DLGAP2: variants seen among roughly 807,000 people sequenced by gnomAD.
The protein encoded by DLGAP2 is disks large-associated protein 2.
In DLGAP2, 26 loss-of-function variants were observed where a neutral mutation model predicts 100.3. The observed-to-expected ratio is 0.26, with a 90% CI of 0.19 to 0.36. DLGAP2 has a LOEUF of 0.36. DLGAP2 is among the 10% of genes least tolerant of loss of function. DLGAP2 has a pLI of 1.00. For missense variants in DLGAP2, 1,858 were observed against 1,453.2 expected (o/e 1.28, Z -4.53); for synonymous variants, 886 against 630.1 (o/e 1.41, Z -6.08).
chr8:1,164,305 T>G (rs1483827749), intron 2 of DLGAP2, among the ~76,000 whole-genome samples: 18 of 47,178 alleles, frequency 3.8e-4, no homozygotes, highest in East Asian at 1.0e-3. Context: ...CCCCCCAGGG[T>G]TTGTTTTTGT....
At chr8:1,623,561 C>G (rs567016809) in intron 6 of DLGAP2, among the ~76,000 whole-genome samples, 55 of 150,814 alleles carry the variant, frequency 3.6e-4, no homozygotes, top group African/African-American at 1.3e-3. Flanking sequence ...TAACCTGGCA[C>G]CAGTGCGTGA....
At chr8:979,905 A>G (rs1406373184) in intron 2 of DLGAP2, among the ~76,000 whole-genome samples, 5 of 152,160 alleles carry the variant, frequency 3.3e-5, no homozygotes, top group African/African-American at 4.8e-5. Flanking sequence ...TCTGTGTTCC[A>G]CATCACAGCT....
rs752613425 is a variant in DLGAP2, at chr8:1,632,829, G to A, written c.1593G>A (p.Val531=). ...TLSQASCVSQ[V]SEAEINGQFE... ...ACGTGTGCTGTTGATGATTGCAGGT[G>A]AGCGAGGCGGAGATCAATGGGCAAT... is the stretch of plus-strand genomic sequence containing the variant. Residue 531 remains valine (V), a splice_region_variant and synonymous_variant, in exon 8 of 15, where the codon GTG becomes GTA. Coordinates refer to ENST00000637795, the MANE Select transcript of DLGAP2 (RefSeq NM_001346810.2). The A allele has an allele frequency of 2.5e-6, 4 of 1,604,724 alleles. No individual in the cohort carries two copies. The highest frequency in any genetic ancestry group is 2.7e-5 in the African/African-American group (2 of 74,976).
intron 4 of DLGAP2, among the ~76,000 whole-genome samples, chr8:1,507,323 G>A (rs1799958050): frequency 6.6e-6 from 1 of 151,774 alleles, no homozygotes; most frequent in East Asian, 1.9e-4. Flanking sequence ...TGAGGCCCGG[G>A]GAGATTTGGC....
chr8:1,503,294 C>G (rs556538776), intron 4 of DLGAP2, among the ~76,000 whole-genome samples: 1 of 151,920 alleles, frequency 6.6e-6, no homozygotes, highest in South Asian at 2.1e-4. Flanking sequence ...TCCCTTTCCC[C>G]TCCCCAGCCC....
intron 2 of DLGAP2, among the ~76,000 whole-genome samples, chr8:1,225,944 A>G (rs1010737078): frequency 4.6e-5 from 7 of 152,042 alleles, no homozygotes; most frequent in African/African-American, 1.7e-4. Flanking sequence ...TATATATATA[A>G]TTTTTCCTTT....
chr8:990,380 A>ACG, intron 2 of DLGAP2, among the ~76,000 whole-genome samples: 1 of 68,262 alleles, frequency 1.5e-5, no homozygotes, highest in African/African-American at 6.0e-5. Context: ...CTGCACCCCC[A>ACG]TACTCGGAGT....
chr8:1,587,365 G>A (rs1796153150), intron 6 of DLGAP2, among the ~76,000 whole-genome samples: 1 of 152,196 alleles, frequency 6.6e-6, no homozygotes, highest in Admixed American at 6.5e-5. Context: ...GGTGAGGCCA[G>A]AGAGGAACTG....
At chr8:1,336,926 C>A (rs1393154435) in intron 3 of DLGAP2, among the ~76,000 whole-genome samples, 4 of 152,170 alleles carry the variant, frequency 2.6e-5, no homozygotes, top group African/African-American at 9.7e-5. Context: ...TGACATTGAG[C>A]AATTCATATT....
chr8:1,240,029 C>T (rs1391864953), intron 2 of DLGAP2, among the ~76,000 whole-genome samples: 10 of 136,826 alleles, frequency 7.3e-5, no homozygotes, highest in Non-Finnish European at 1.3e-4. Flanking sequence ...TCTCACATGG[C>T]GCCGTGTCTA....
chr8:1,304,529 T>G (rs554817251), intron 3 of DLGAP2, among the ~76,000 whole-genome samples: 33 of 152,308 alleles, frequency 2.2e-4, no homozygotes, highest in African/African-American at 7.2e-4. Flanking sequence ...TTCATGTTGT[T>G]AACAACAGAG....
chr8:1,517,256 C>T (rs988096999), intron 4 of DLGAP2, among the ~76,000 whole-genome samples: 9 of 152,130 alleles, frequency 5.9e-5, no homozygotes, highest in African/African-American at 2.2e-4. Context: ...GTCAAGCCCT[C>T]TGTGGGGTCA....
At chr8:1,231,631 C>T (rs930999089) in intron 2 of DLGAP2, among the ~76,000 whole-genome samples, 7 of 152,092 alleles carry the variant, frequency 4.6e-5, no homozygotes, top group East Asian at 1.9e-4. Context: ...CTGTGTACAC[C>T]GTGGGATACT....
At chr8:906,087 C>T (rs938375509) in intron 1 of DLGAP2, among the ~76,000 whole-genome samples, 2 of 152,208 alleles carry the variant, frequency 1.3e-5, no homozygotes, top group African/African-American at 2.4e-5. Flanking sequence ...CCACTGTGGA[C>T]GTGCGTGGGG....
rs556201720 is a variant in DLGAP2 at position 938,745 on chromosome 8, G to A, written c.73+30779G>A. Among the ~76,000 whole-genome samples the A allele has an allele frequency of 5.9e-5, 9 of 152,274 alleles. No homozygotes were observed. The South Asian group carries it at 6.2e-4, about 11-fold the overall frequency. ...CCTGGCTGTGAGGTGGTGTGGGCAC[G>A]GCCAGCCAATGTTTCAGCCCTGTGT... On this transcript the variant is annotated intron_variant, in intron 2 of 14. Coordinates refer to ENST00000637795, the MANE Select transcript of DLGAP2 (RefSeq NM_001346810.2).
chr8:1,702,260 TTTTC>T lies in DLGAP2; in HGVS notation c.*858_*861del, dbSNP rs1372727938. On this transcript the variant is annotated 3_prime_UTR_variant, in exon 15 of 15. Coordinates refer to ENST00000637795, the MANE Select transcript of DLGAP2 (RefSeq NM_001346810.2). ...CTAACTTAAAATACGACACCCAGTATTTTCTTTAAGTTTCACCATTTACGCTACA... is the reference window on the plus strand; with the variant it reads ...CTAACTTAAAATACGACACCCAGTATTTTAAGTTTCACCATTTACGCTACA... 1.3e-5 allele frequency: 2 copies of T among 152,226 alleles called. No individual in the cohort carries two copies. The highest frequency in any genetic ancestry group is 2.4e-5 in the African/African-American group (1 of 41,432). 9.4% of individuals were successfully genotyped at this position (152,226 alleles called of 1,614,324 possible). A position where few individuals can be genotyped will look rare whatever the true frequency, so the allele number is the denominator to read the frequency against.
intron 6 of DLGAP2, among the ~76,000 whole-genome samples, chr8:1,605,556 G>C (rs1190825965): frequency 2.0e-5 from 3 of 152,166 alleles, no homozygotes; most frequent in Admixed American, 2.0e-4. Flanking sequence ...GTGGGCCTAA[G>C]TGCCTCTTTA....
At chr8:812,583 A>T (rs142829649) in intron 1 of DLGAP2, among the ~76,000 whole-genome samples, 55 of 152,364 alleles carry the variant, frequency 3.6e-4, no homozygotes, top group African/African-American at 1.2e-3. Flanking sequence ...TCTTTTGCTG[A>T]TAATGAGATG....
rs545337855 is a variant in DLGAP2 at position 1,325,840 on chromosome 8, C to T, written c.106+66957C>T. On this transcript the variant is annotated intron_variant, in intron 3 of 14. Transcript: ENST00000637795. ...CTTTTGGATCGTTTTTTTGCAAGGA[C>T]CGTCCATGGAGATGGCTTTCCAGCC... Among the ~76,000 whole-genome samples, 239 of 152,274 alleles carry T rather than the reference C, an allele frequency of 1.6e-3. 2 individuals are homozygous for T. Among genetic ancestry groups the T allele is most frequent in the African/African-American group, 5.6e-3 (234 of 41,540 alleles).
Sources: gnomAD v4.1 joint callset for allele counts (sites outside exome capture counted in the v4.1 genomes callset) on GRCh38, gnomAD v4.1.1 for gene constraint, MANE v1.5 for transcripts, NCBI Gene and HGNC (gene_info 2026-07-23, HGNC 2026-07-21) for gene names.